Variants in PGAP6 observed in about 807,000 individuals in gnomAD.
The protein encoded by PGAP6 is post-GPI attachment to proteins factor 6.
PGAP6 carries 62 observed loss-of-function variants against 68.4 expected under a neutral mutation model. The ratio of observed to expected loss-of-function variants is 0.91; its 90% confidence interval spans 0.74 to 1.12. The LOEUF (loss-of-function observed/expected upper bound fraction) is 1.12, where lower values mean the gene tolerates loss of function less well. Ranked by LOEUF, PGAP6 falls within the 50% of genes most tolerant of loss-of-function variation. The pLI is 0.00. For missense variants in PGAP6, 1,188 were observed against 1,068.5 expected, an observed-to-expected ratio of 1.11 and a Z score of -1.56; for synonymous variants, 575 against 474.0, an observed-to-expected ratio of 1.21 and a Z score of -2.77.
At chr16:372,305 G>A (rs758333804) in intron 12 of PGAP6, 22 bp from the exon 13 acceptor site, 1 of 1,599,450 alleles carries the variant, frequency 6.3e-7, no homozygotes, top group Non-Finnish European at 8.5e-7. Flanking sequence ...AGCCACGCAG[G>A]TATCAGTGCA....
At chr16:373,671 C>CT (rs1391817296) in intron 11 of PGAP6, among the ~76,000 whole-genome samples, 1 of 152,268 alleles carries the variant, frequency 6.6e-6, no homozygotes, top group Non-Finnish European at 1.5e-5. Flanking sequence ...TCCCGAGTGG[C>CT]TGGGACCACA....
chr16:377,264 C>A, intron 3 of PGAP6, 100 bp from the exon 4 acceptor site: 2 of 1,590,412 alleles, frequency 1.3e-6, no homozygotes, highest in East Asian at 2.2e-5. Context: ...GCAGGGCTGG[C>A]CCCAGAGTGC....
Position 377,654 on chromosome 16 carries a change from G to A in PGAP6, c.299+17C>T. Reference sequence around the variant, plus strand: ...CCAGGCGCGGGAGGGTGGGCAGGCGGGCGGGCAGCCACCTACACGGTGATC... The same window carrying A: ...CCAGGCGCGGGAGGGTGGGCAGGCGAGCGGGCAGCCACCTACACGGTGATC... On this transcript the variant is annotated intron_variant, in intron 2 of 12. Transcript: ENST00000431232. 2.5e-6 allele frequency: 4 copies of A among 1,573,906 alleles called. No individual in the cohort carries two copies. The highest frequency in any genetic ancestry group is 3.4e-6 in the Non-Finnish European group (4 of 1,160,280).
chr16:375,222 G>A lies in PGAP6; in HGVS notation c.1350C>T (p.Ala450=), dbSNP rs775285847. The A allele has an allele frequency of 9.9e-6, 16 of 1,613,202 alleles. No individual in the cohort carries two copies. Among genetic ancestry groups the A allele is most frequent in the Middle Eastern group, 1.6e-4 (1 of 6,082 alleles). ...TGATGAGGTTGGCCCTGCGAGACCA[G>A]GCGCTCAGAGACAAAGGGTAGCCCT... ...FFQGYPLSLS[A]WSRRANLIIP... The change falls in exon 8 of 13, where the codon GCC becomes GCT. Residue 450 remains alanine, a synonymous_variant. Transcript: ENST00000431232.
chr16:378,415 G>C (rs439250), intron 1 of PGAP6, among the ~76,000 whole-genome samples: 51 of 44,532 alleles, frequency 1.1e-3, no homozygotes, highest in Admixed American at 2.4e-3. Context: ...CACTGCCATC[G>C]CCACCCACAC....
At chr16:378,384 C>CCGCA (rs2054409626) in intron 1 of PGAP6, among the ~76,000 whole-genome samples, 3 of 118,442 alleles carry the variant, frequency 2.5e-5, no homozygotes, top group East Asian at 2.3e-4. Flanking sequence ...CCATCGCCAC[C>CCGCA]CTGACTGCCA....
In PGAP6 at chr16:371,996, T is replaced by C. The variant is rs1314145739; in HGVS notation, c.2307A>G (p.Ala769=). ...ICKNDREELY[A]VT is the part of the protein sequence containing the mutation. The stretch of plus-strand genomic sequence containing the variant: ...TGTCCCCAGGCCAGTGTCACGTCAC[T>C]GCGTACAGTTCCTCCCGATCGTTCT... The change falls in exon 13 of 13, where the codon GCA becomes GCG. Residue 769 remains alanine, a synonymous_variant. Transcript: ENST00000431232. 1.2e-6 allele frequency: 2 copies of C among 1,611,918 alleles called. No homozygotes were observed. The highest frequency in any genetic ancestry group is 1.7e-6 in the Non-Finnish European group (2 of 1,179,382).
Position 372,020 on chromosome 16 carries a change from C to T in PGAP6, c.2283G>A (p.Lys761=). ...QKFPCHYQIC[K]NDREELYAVT ...CTGCGTACAGTTCCTCCCGATCGTT[C>T]TTGCAGATCTGATAGTGGCAGGGGA... is the stretch of plus-strand genomic sequence containing the variant. Residue 761 remains lysine, a synonymous_variant, in exon 13 of 13, where the codon AAG becomes AAA. Transcript: ENST00000431232. The T allele has an allele frequency of 6.2e-7, 1 of 1,612,804 alleles. No homozygotes were observed. The highest frequency in any genetic ancestry group is 8.5e-7 in the Non-Finnish European group (1 of 1,179,894).
rs370750603 is a variant in PGAP6, at chr16:375,214, C to A, written c.1358G>T (p.Arg453Leu). 6.8e-6 allele frequency: 11 copies of A among 1,613,176 alleles called. No homozygotes were observed. Among genetic ancestry groups the A allele is most frequent in the Non-Finnish European group, 9.3e-6 (11 of 1,179,980 alleles). Residue 453 changes from arginine (R) to leucine (L), a missense_variant, in exon 8 of 13, where the codon CGC becomes CTC. Coordinates refer to ENST00000431232, the MANE Select transcript of PGAP6 (RefSeq NM_021259.3). ...GTAGGGGATGATGAGGTTGGCCCTG[C>A]GAGACCAGGCGCTCAGAGACAAAGG... ...GYPLSLSAWS[R>L]RANLIIPYPE...
intron 4 of PGAP6, 52 bp downstream of exon 4, chr16:376,985 C>T: frequency 6.2e-7 from 1 of 1,606,488 alleles, no homozygotes; most frequent in Non-Finnish European, 8.5e-7. Context: ...TCCACCGAAT[C>T]TGAGAAGGGG....
In PGAP6 at chr16:372,606, C is replaced by G; in HGVS notation, c.2019+5G>C. 6.2e-7 allele frequency: 1 copy of G among 1,608,752 alleles called. No homozygotes were observed. Among genetic ancestry groups the G allele is most frequent in the South Asian group, 1.1e-5 (1 of 90,998 alleles). On this transcript the variant is annotated splice_donor_5th_base_variant and intron_variant, in intron 12 of 12. Coordinates refer to ENST00000431232, the MANE Select transcript of PGAP6 (RefSeq NM_021259.3). ...GCAGCAGTGCCAGCCAGCCCGGCTC[C>G]TTACCCACATGGAGGCCATGATCAC... is the stretch of plus-strand genomic sequence containing the variant.
intron 12 of PGAP6, 51 bp from the exon 13 acceptor site, chr16:372,334 G>C (rs1305610566): frequency 6.5e-7 from 1 of 1,547,466 alleles, no homozygotes; most frequent in Non-Finnish European, 8.7e-7. Context: ...CGCGGCTGCA[G>C]CTCCCAGGGC....
upstream of PGAP6, chr16:382,050 G>A: frequency 1.9e-6 from 1 of 513,674 alleles, no homozygotes. Context: ...GGACCGGGGG[G>A]GGCGCGGACG....
At chr16:381,078 C>T (rs1355802267) in intron 1 of PGAP6, among the ~76,000 whole-genome samples, 1 of 152,258 alleles carries the variant, frequency 6.6e-6, no homozygotes, top group Non-Finnish European at 1.5e-5. Context: ...GACGGGGACC[C>T]TCAGGGAACA....
chr16:375,260 C>T lies in PGAP6; in HGVS notation c.1316-4G>A, dbSNP rs1185867221. Reference sequence around the variant, plus strand: ...AAAGGGTAGCCCTGGAAGAAGGCTGCAGGGGAGCCAGAGGGCCCCATCAGA... The same window carrying T: ...AAAGGGTAGCCCTGGAAGAAGGCTGTAGGGGAGCCAGAGGGCCCCATCAGA... On this transcript the variant is annotated splice_polypyrimidine_tract_variant and splice_region_variant and intron_variant, in intron 7 of 12. Transcript: ENST00000431232. 1 of 1,612,898 alleles carries T rather than the reference C, an allele frequency of 6.2e-7. No homozygotes were observed. Among genetic ancestry groups the T allele is most frequent in the African/African-American group, 1.3e-5 (1 of 75,066 alleles).
chr16:374,974 C>T, intron 8 of PGAP6, 82 bp from the exon 9 acceptor site: 1 of 1,596,002 alleles, frequency 6.3e-7, no homozygotes, highest in Non-Finnish European at 8.5e-7. Context: ...GGCTGACAGA[C>T]ATGAGAACGC....
Position 376,230 on chromosome 16 carries a change from C to G in PGAP6, c.1130G>C (p.Arg377Thr), listed in dbSNP as rs1358296920. ...HFQPLDRVSV[R>T]VCSDTPSVMR... ...CACGGAGGGCGTGTCCGAACACACC[C>G]TCACCGAGACCCTGTCCAGGGGCTG... Residue 377 changes from arginine to threonine, a missense_variant, in exon 6 of 13, where the codon AGG (arginine) becomes ACG (threonine). By Grantham distance (71) the Arg-to-Thr change is moderately conservative. Transcript: ENST00000431232. The G allele has an allele frequency of 6.2e-7, 1 of 1,612,820 alleles. No individual in the cohort carries two copies.
chr16:385,883 C>CA (rs972491794), upstream of PGAP6, among the ~76,000 whole-genome samples: 1 of 152,086 alleles, frequency 6.6e-6, no homozygotes, highest in African/African-American at 2.4e-5. Context: ...CTCAGCCTCT[C>CA]AAAGTGCTGG....
chr16:381,399 C>T (rs1319458164), intron 1 of PGAP6, among the ~76,000 whole-genome samples: 1 of 152,046 alleles, frequency 6.6e-6, no homozygotes, highest in Non-Finnish European at 1.5e-5. Flanking sequence ...CTCCACTTCC[C>T]CGCGCCGGGC....
Sources: gnomAD v4.1 joint callset for allele counts (sites outside exome capture counted in the v4.1 genomes callset) on GRCh38, gnomAD v4.1.1 for gene constraint, MANE v1.5 for transcripts, NCBI Gene and HGNC (gene_info 2026-07-23, HGNC 2026-07-21) for gene names.